Variants in HAO2 observed in about 807,000 individuals in gnomAD.
The protein encoded by HAO2 is 2-Hydroxyacid oxidase 2.
In HAO2, 42 loss-of-function variants were observed where a neutral mutation model predicts 37.4. The observed-to-expected ratio is 1.12, with a 90% confidence interval of 0.88 to 1.45. HAO2 has a LOEUF of 1.45. Ranked by LOEUF, HAO2 falls within the 40% of genes most tolerant of loss-of-function variation. HAO2 has a pLI of 0.00. For synonymous variants in HAO2, 180 were observed against 162.8 expected (o/e 1.11, Z -0.81); for missense variants, 476 against 430.2 (o/e 1.11, Z -0.94).
Position 119,381,109 on chromosome 1 carries a change from C to T in HAO2, c.24C>T (p.Asp8=), listed in dbSNP as rs1225686749. The T allele has an allele frequency of 1.2e-6, 2 of 1,612,886 alleles. No homozygotes were observed. The highest frequency in any genetic ancestry group is 2.2e-5 in the East Asian group (1 of 44,864). The change falls in exon 2 of 8, where the codon GAC becomes GAT. Residue 8 remains aspartate (D), a synonymous_variant. Coordinates refer to ENST00000325945, the MANE Select transcript of HAO2 (RefSeq NM_016527.4). MSLVCLT[D]FQAHAREQLS... is the part of the protein sequence containing the mutation. ...AAATGTCCTTGGTGTGTTTGACAGA[C>T]TTTCAGGCCCATGCGCGAGAGCAGC...
intron 1 of HAO2, among the ~76,000 whole-genome samples, chr1:119,371,444 T>A (rs893455652): frequency 2.0e-5 from 3 of 152,230 alleles, no homozygotes; most frequent in African/African-American, 7.2e-5. Flanking sequence ...AGATTTTTTT[T>A]AACTTTCTGA....
intron 1 of HAO2, chr1:119,380,617 G>A: frequency 9.8e-7 from 1 of 1,018,022 alleles, no homozygotes; most frequent in Non-Finnish European, 1.5e-6. Flanking sequence ...AGCTGGGAAT[G>A]CCATGACGTG....
intron 1 of HAO2, among the ~76,000 whole-genome samples, chr1:119,373,031 A>G (rs1227257995): frequency 6.6e-6 from 1 of 152,194 alleles, no homozygotes; most frequent in Non-Finnish European, 1.5e-5. Context: ...ATTTTCTCAA[A>G]TGAGGAAACT....
chr1:119,386,610 T>C lies in HAO2; in HGVS notation c.562-12T>C, dbSNP rs1418033910. The C allele has an allele frequency of 1.1e-5, 17 of 1,547,140 alleles. No homozygotes were observed. The highest frequency in any genetic ancestry group is 1.5e-5 in the Non-Finnish European group (17 of 1,119,374). On this transcript the variant is annotated splice_polypyrimidine_tract_variant and intron_variant, in intron 4 of 7. Coordinates refer to ENST00000325945, the MANE Select transcript of HAO2 (RefSeq NM_016527.4). ...AGAGCTCAGGACTAAGTTCCCTTTTTATTTCCTATAGGGAAATGCAATACC... is the reference window on the plus strand; with the variant it reads ...AGAGCTCAGGACTAAGTTCCCTTTTCATTTCCTATAGGGAAATGCAATACC...
chr1:119,389,651 GTTAAT>G (rs1650715072), intron 5 of HAO2, among the ~76,000 whole-genome samples: 1 of 130,918 alleles, frequency 7.6e-6, no homozygotes. Flanking sequence ...TTTTTTTCTT[GTTAAT>G]TTGTTTGAGT....
At chr1:119,383,445 T>C (rs1650124830) in intron 3 of HAO2, among the ~76,000 whole-genome samples, 1 of 152,242 alleles carries the variant, frequency 6.6e-6, no homozygotes, top group Admixed American at 6.5e-5. Context: ...TAGGGCTGAA[T>C]GGCAGACTCT....
In HAO2 at chr1:119,389,340, T is replaced by C. The variant is rs143778811; in HGVS notation, c.771+2509T>C. Among the ~76,000 whole-genome samples the C allele has an allele frequency of 5.2e-3, 780 of 150,334 alleles. 3 individuals are homozygous for C. Among genetic ancestry groups the C allele is most frequent in the Non-Finnish European group, 8.6e-3 (580 of 67,604 alleles). On this transcript the variant is annotated intron_variant, in intron 5 of 7. Transcript: ENST00000325945. ...GTGGGATTGCTGGATCAAATGGTAG[T>C]TCTACTTTTAGTTCTATAAGGAATC...
chr1:119,385,248 C>T (rs373490305), intron 4 of HAO2, 195 bp downstream of exon 4: 2 of 985,042 alleles, frequency 2.0e-6, no homozygotes, highest in Non-Finnish European at 2.4e-6. Flanking sequence ...GCACAATCAA[C>T]ATAAGACCAA....
intron 1 of HAO2, among the ~76,000 whole-genome samples, chr1:119,372,193 T>C (rs374384509): frequency 2.6e-5 from 4 of 152,226 alleles, no homozygotes; most frequent in Non-Finnish European, 5.9e-5. Flanking sequence ...GTATTGCTGG[T>C]CATTAACCAA....
intron 1 of HAO2, chr1:119,380,763 A>T (rs1338421434): frequency 7.4e-7 from 1 of 1,344,540 alleles, no homozygotes; most frequent in South Asian, 1.2e-5. Context: ...ATAAGCTTTT[A>T]AGAAGTGGTG....
At chr1:119,391,142 T>C (rs587697926) in intron 5 of HAO2, among the ~76,000 whole-genome samples, 1 of 152,154 alleles carries the variant, frequency 6.6e-6, no homozygotes, top group Non-Finnish European at 1.5e-5. Context: ...TATTTTCTTA[T>C]ACTGTTCAGT....
intron 2 of HAO2, among the ~76,000 whole-genome samples, chr1:119,381,903 C>G (rs1649977913): frequency 6.6e-6 from 1 of 152,112 alleles, no homozygotes; most frequent in South Asian, 2.1e-4. Context: ...CCATGCTCAG[C>G]CATTTACTAT....
intron 7 of HAO2, among the ~76,000 whole-genome samples, chr1:119,392,899 G>A (rs1487426094): frequency 6.6e-6 from 1 of 152,062 alleles, no homozygotes; most frequent in East Asian, 1.9e-4. Context: ...TCTGGGGAGT[G>A]TCACCTCTGG....
chr1:119,383,426 G>A (rs1028282161), intron 3 of HAO2, among the ~76,000 whole-genome samples: 1 of 152,180 alleles, frequency 6.6e-6, no homozygotes, highest in Non-Finnish European at 1.5e-5. Context: ...GCCCCTGATG[G>A]GCCAGGGCTA....
At chr1:119,385,449 A>T in intron 4 of HAO2, 1 of 801,014 alleles carries the variant, frequency 1.2e-6, no homozygotes, top group Non-Finnish European at 1.5e-6. Flanking sequence ...ACATAGACAA[A>T]CTGACTCTCC....
Position 119,382,962 on chromosome 1 carries a change from C to A in HAO2, c.179C>A (p.Thr60Asn). ...RYLRDVSEVD[T>N]RTTIQGEEIS... The stretch of plus-strand genomic sequence containing the variant: ...CTGAGAGATGTGTCTGAGGTGGACA[C>A]CAGAACCACAATCCAAGGGGAGGAG... Residue 60 changes from threonine to asparagine, a missense_variant, in exon 3 of 8, where the codon ACC becomes AAC. By Grantham distance (65) the Thr-to-Asn change is moderately conservative (BLOSUM62 0). Coordinates refer to ENST00000325945, the MANE Select transcript of HAO2 (RefSeq NM_016527.4). The A allele has an allele frequency of 6.2e-7, 1 of 1,613,362 alleles. No homozygotes were observed.
intron 5 of HAO2, among the ~76,000 whole-genome samples, chr1:119,389,315 G>A (rs1051768490): frequency 1.3e-5 from 2 of 149,746 alleles, no homozygotes; most frequent in Admixed American, 6.7e-5. Context: ...ATACCTGGTA[G>A]TGGGATTGCT....
chr1:119,377,616 A>T (rs1320597840), intron 1 of HAO2, among the ~76,000 whole-genome samples: 1 of 152,252 alleles, frequency 6.6e-6, no homozygotes, highest in Non-Finnish European at 1.5e-5. Context: ...GAAATACTTC[A>T]GACTAGATAA....
At chr1:119,380,145 G>A (rs2101204753) in intron 1 of HAO2, among the ~76,000 whole-genome samples, 1 of 152,250 alleles carries the variant, frequency 6.6e-6, no homozygotes, top group South Asian at 2.1e-4. Context: ...ATCCTCTCAT[G>A]CAGGAGCTCT....
Sources: allele counts gnomAD v4.1 joint callset (sites outside exome capture counted in the v4.1 genomes callset), GRCh38; gene constraint gnomAD v4.1.1; transcripts MANE v1.5; gene names NCBI Gene and HGNC (gene_info 2026-07-23, HGNC 2026-07-21).